The following GARS1 variants were observed in gnomAD, a reference collection of about 807,000 sequenced individuals.
The protein encoded by GARS1 is glycyl-tRNA synthetase 1, also known as glycine--tRNA ligase.
GARS1 carries 46 observed loss-of-function variants against 86.4 expected under a neutral mutation model. The ratio of observed to expected loss-of-function variants is 0.53; its 90% confidence interval spans 0.42 to 0.68. The LOEUF (loss-of-function observed/expected upper bound fraction) is 0.68, where lower values mean the gene tolerates loss of function less well. GARS1 is among the 30% of genes least tolerant of loss of function. The pLI, the probability that GARS1 is intolerant of heterozygous loss-of-function variation, is 0.00. For missense variants in GARS1, 797 were observed against 915.6 expected (o/e 0.87, Z 1.67); for synonymous variants, 342 against 329.8 (o/e 1.04, Z -0.40).
At chr7:30,611,972 G>T in intron 7 of GARS1, 124 bp from the exon 8 acceptor site, 1 of 853,768 alleles carries the variant, frequency 1.2e-6, no homozygotes, top group Non-Finnish European at 2.0e-6. Context: ...TCATTTTAGG[G>T]CCTGTTCAAC....
chr7:30,630,760 T>G (rs1273126148), intron 14 of GARS1, among the ~76,000 whole-genome samples: 2 of 152,168 alleles, frequency 1.3e-5, no homozygotes, highest in Non-Finnish European at 2.9e-5. Context: ...TTCTTCTGCC[T>G]CAGCCTCCCA....
At position 30,617,218 on chromosome 7, in the gene GARS1, G is replaced by A; in HGVS notation, c.1299G>A (p.Met433Ile). The change falls in exon 10 of 17, where the codon ATG (methionine) becomes ATA (isoleucine). Residue 433 changes from methionine (M) to isoleucine (I), a missense_variant. Around this residue, in one of 2 missense-constraint regions of GARS1, gnomAD observed 598 missense variants for 738.7 expected, o/e 0.81. Transcript: ENST00000389266. ...SPDKLRFRQH[M>I]ENEMAHYACD... ...ATAAACTCCGCTTCCGGCAGCACAT[G>A]GAGAATGAGATGGCCCATTATGCCT... 1 of 1,613,976 alleles carries A rather than the reference G, an allele frequency of 6.2e-7. No homozygotes were observed. The highest frequency in any genetic ancestry group is 8.5e-7 in the Non-Finnish European group (1 of 1,179,876).
At chr7:30,604,161 G>A (rs1306182252) in intron 6 of GARS1, among the ~76,000 whole-genome samples, 1 of 152,092 alleles carries the variant, frequency 6.6e-6, no homozygotes, top group African/African-American at 2.4e-5. Flanking sequence ...TTCTATATTA[G>A]AAGTAGTTCT....
In GARS1 at chr7:30,632,079, A is replaced by C; in HGVS notation, c.1904-168A>C. The stretch of plus-strand genomic sequence containing the variant: ...TATGAGTGAAGATTTGGATTCCCGC[A>C]AGGGATTTATTAAACTTTAGGGATA... On this transcript the variant is annotated intron_variant, in intron 15 of 16. Coordinates refer to ENST00000389266, the MANE Select transcript of GARS1 (RefSeq NM_002047.4). The surrounding 1 kb of genome is among the most constrained non-coding windows in gnomAD (Gnocchi z 4.1). The C allele has an allele frequency of 2.9e-6, 2 of 691,866 alleles. No individual in the cohort carries two copies. Among genetic ancestry groups the C allele is most frequent in the South Asian group, 3.4e-5 (2 of 59,504 alleles). 42.9% of individuals were successfully genotyped at this position (691,866 alleles called of 1,614,324 possible).
At chr7:30,626,141 G>T (rs1783122522) in intron 12 of GARS1, 93 bp from the exon 13 acceptor site, 4 of 730,750 alleles carry the variant, frequency 5.5e-6, no homozygotes, top group Admixed American at 4.5e-5. Flanking sequence ...GTTATAAAAA[G>T]AAAAAACAAC....
chr7:30,615,983 T>C lies in GARS1; in HGVS notation c.1119T>C (p.Leu373=), dbSNP rs1447629745. 1 of 1,614,200 alleles carries C rather than the reference T, an allele frequency of 6.2e-7. No homozygotes were observed. The highest frequency in any genetic ancestry group is 1.3e-5 in the African/African-American group (1 of 75,044). The change falls in exon 9 of 17, where the codon CTT becomes CTC. Residue 373 remains leucine (L), a synonymous_variant. Coordinates refer to ENST00000389266, the MANE Select transcript of GARS1 (RefSeq NM_002047.4). ...TCCAGAATGTGGCAGACCTTCACCTTTATTTGTATTCAGCAAAAGCCCAGG... is the reference window on the plus strand; with the variant it reads ...TCCAGAATGTGGCAGACCTTCACCTCTATTTGTATTCAGCAAAAGCCCAGG... ...PKFQNVADLH[L]YLYSAKAQVS...
chr7:30,609,892 TA>T (rs762172939), intron 7 of GARS1, among the ~76,000 whole-genome samples, 162 bp downstream of exon 7: 7 of 152,336 alleles, frequency 4.6e-5, no homozygotes, highest in Non-Finnish European at 1.0e-4. Context: ...ATAAATCTTT[TA>T]AAAAATTCTT....
Position 30,632,407 on chromosome 7 carries a change from C to T in GARS1, c.2064C>T (p.Asp688=), listed in dbSNP as rs528105619. Residue 688 remains aspartate (D), a synonymous_variant, in exon 16 of 17, where the codon GAC becomes GAT. Coordinates refer to ENST00000389266, the MANE Select transcript of GARS1 (RefSeq NM_002047.4). This position sits in a 1 kb window ranked among gnomAD's most constrained non-coding sequence, Gnocchi z 4.1. ...CCCCCCACACTGCAACTCTGAGGGA[C>T]CGTGACTCAATGCGGCAGATAAGAG... ...NKTPHTATLR[D]RDSMRQIRAE... 2.5e-6 allele frequency: 4 copies of T among 1,614,020 alleles called. No individual in the cohort carries two copies. The highest frequency in any genetic ancestry group is 3.4e-6 in the Non-Finnish European group (4 of 1,180,020).
At chr7:30,626,080 A>G (rs1770308514) in intron 12 of GARS1, among the ~76,000 whole-genome samples, 154 bp from the exon 13 acceptor site, 3 of 152,228 alleles carry the variant, frequency 2.0e-5, no homozygotes. Flanking sequence ...GGTGTTTCTT[A>G]TGAAATAATT....
rs1268461166 is a variant in GARS1 at position 30,607,545 on chromosome 7, C to T, written c.736-2040C>T. ...GGGAACATCATACACCTGGGCCTGT[C>T]GGGGGGTGGGAGGCTGGGGGAGGGA... On this transcript the variant is annotated intron_variant, in intron 6 of 16. Coordinates refer to ENST00000389266, the MANE Select transcript of GARS1 (RefSeq NM_002047.4). Among the ~76,000 whole-genome samples the T allele has an allele frequency of 1.3e-3, 17 of 13,380 alleles. 1 individual carries two copies. The South Asian group carries it at 0.021, about 16-fold the overall frequency. 8.8% of individuals were successfully genotyped at this position (13,380 alleles called of 152,430 possible).
At chr7:30,615,760 T>G in intron 8 of GARS1, 136 bp from the exon 9 acceptor site, 2 of 954,098 alleles carry the variant, frequency 2.1e-6, no homozygotes, top group South Asian at 4.2e-5. Context: ...AAACCAACTT[T>G]CTGTTTAGTG....
intron 1 of GARS1, among the ~76,000 whole-genome samples, chr7:30,597,086 G>T (rs1791265407): frequency 6.6e-6 from 1 of 152,220 alleles, no homozygotes; most frequent in Non-Finnish European, 1.5e-5. Flanking sequence ...TAGAATTTGG[G>T]AAGACTCGTA....
chr7:30,600,611 A>G (rs1338581596), intron 3 of GARS1, among the ~76,000 whole-genome samples: 1 of 152,216 alleles, frequency 6.6e-6, no homozygotes, highest in Non-Finnish European at 1.5e-5. Context: ...TTGCCACTGA[A>G]AGTTGACTTG....
chr7:30,611,790 G>C (rs1234321661), intron 7 of GARS1, among the ~76,000 whole-genome samples: 1 of 152,128 alleles, frequency 6.6e-6, no homozygotes, highest in African/African-American at 2.4e-5. Context: ...GGCCTGAGGT[G>C]GTGTTTTTAA....
intron 10 of GARS1, among the ~76,000 whole-genome samples, chr7:30,619,230 G>C (rs1053959829): frequency 1.3e-5 from 2 of 152,040 alleles, no homozygotes; most frequent in Admixed American, 6.6e-5. Context: ...ATGCCTGCTC[G>C]TCCTTATCTA....
intron 10 of GARS1, among the ~76,000 whole-genome samples, chr7:30,620,560 C>T (rs1782983475): frequency 6.6e-6 from 1 of 152,170 alleles, no homozygotes; most frequent in South Asian, 2.1e-4. Flanking sequence ...TTGTCAAGGA[C>T]ACAAGCATTC....
Position 30,603,444 on chromosome 7 carries a change from G to T in GARS1, c.659-52G>T, listed in dbSNP as rs1584026465. On this transcript the variant is annotated intron_variant, in intron 5 of 16. Coordinates refer to ENST00000389266, the MANE Select transcript of GARS1 (RefSeq NM_002047.4). ...AATTGTCTAGCATTGAAACTGAAAA[G>T]TGCATTGTCCTTTTTCCCATTGATT... The T allele has an allele frequency of 2.8e-6, 4 of 1,411,388 alleles. No homozygotes were observed. The East Asian group carries it at 9.1e-5, about 32-fold the overall frequency. The allele number at this position is 1,411,388 out of a possible 1,614,324, so 87.4% of individuals were successfully genotyped here. A position where few individuals can be genotyped will look rare whatever the true frequency, so the allele number is the denominator to read the frequency against.
At chr7:30,604,215 A>C (rs1194501586) in intron 6 of GARS1, among the ~76,000 whole-genome samples, 1 of 152,168 alleles carries the variant, frequency 6.6e-6, no homozygotes, top group Non-Finnish European at 1.5e-5. Flanking sequence ...ATGTGATCAA[A>C]ACTGCACGTC....
At position 30,632,206 on chromosome 7, in the gene GARS1, C is replaced by T; in HGVS notation, c.1904-41C>T. On this transcript the variant is annotated intron_variant, in intron 15 of 16. Coordinates refer to ENST00000389266, the MANE Select transcript of GARS1 (RefSeq NM_002047.4). The surrounding 1 kb of genome is among the most constrained non-coding windows in gnomAD (Gnocchi z 4.1). ...TAGTTAGATAACACTGGGCTTAACT[C>T]CATTGTTTTATTTTTAATTTACTTT... The T allele has an allele frequency of 6.3e-7, 1 of 1,597,914 alleles. No individual in the cohort carries two copies.
Sources: gnomAD v4.1 joint callset for allele counts (sites outside exome capture counted in the v4.1 genomes callset) on GRCh38, gnomAD v4.1.1 for gene constraint, gnomAD v4.1.1 regional missense constraint, Gnocchi (gnomAD v3.1) non-coding constraint, MANE v1.5 for transcripts, NCBI Gene and HGNC (gene_info 2026-07-23, HGNC 2026-07-21) for gene names.